The following GALNT1 variants were observed in gnomAD, a reference collection of about 807,000 sequenced individuals.
GALNT1 encodes the protein GalNAc transferase 1.
In GALNT1, 17 loss-of-function variants were observed where a neutral mutation model predicts 65.7. The ratio of observed to expected loss-of-function variants is 0.26; its 90% CI spans 0.18 to 0.39. The LOEUF (loss-of-function observed/expected upper bound fraction) is 0.39. Among genes scored for constraint, GALNT1 ranks in the 10% least tolerant of loss-of-function variants. The pLI is 1.00. For synonymous variants in GALNT1, 210 were observed against 219.7 expected, an observed-to-expected ratio of 0.96 and a Z score of 0.39; for missense variants, 460 against 672.8, an observed-to-expected ratio of 0.68 and a Z score of 3.50.
chr18:35,603,771 C>G (rs1405676412), intron 1 of GALNT1, among the ~76,000 whole-genome samples: 2 of 152,100 alleles, frequency 1.3e-5, no homozygotes, highest in Non-Finnish European at 2.9e-5. Flanking sequence ...TAAACTTTGC[C>G]CTCCCCTGGA....
At chr18:35,581,590 C>CGGTG (rs1568009683), upstream of GALNT1, 1 of 9,888 alleles carries the variant, frequency 1.0e-4, no homozygotes, top group African/African-American at 1.3e-3. Context: ...GCAGGCGGCG[C>CGGTG]GCATGCGGGG....
At chr18:35,581,183 C>G (rs1352713830), upstream of GALNT1, 2 of 151,922 alleles carry the variant, frequency 1.3e-5, no homozygotes, top group African/African-American at 4.8e-5. Flanking sequence ...CCATCTCCTC[C>G]CACCCCGTGA....
At position 35,691,025 on chromosome 18, in the gene GALNT1, G is replaced by A. The variant is rs1221748902; in HGVS notation, c.992G>A (p.Gly331Glu). The A allele has an allele frequency of 6.2e-7, 1 of 1,602,532 alleles. No homozygotes were observed. The highest frequency in any genetic ancestry group is 8.5e-7 in the Non-Finnish European group (1 of 1,175,686). ...TGCTGTTTTCAGATTTGGCAGTGTG[G>A]AGGAACTTTGGAAATTGTTACATGC... ...LEISFRIWQC[G>E]GTLEIVTCSH... The change falls in exon 8 of 12, where the codon GGA (glycine) becomes GAA (glutamate). Residue 331 changes from glycine (G) to glutamate (E), a missense_variant. Gly to Glu is a moderately conservative substitution (Grantham distance 98). Coordinates refer to ENST00000269195, the MANE Select transcript of GALNT1 (RefSeq NM_020474.4).
At chr18:35,611,790 G>A (rs1180665449) in intron 1 of GALNT1, among the ~76,000 whole-genome samples, 2 of 152,232 alleles carry the variant, frequency 1.3e-5, no homozygotes, top group Non-Finnish European at 2.9e-5. Flanking sequence ...GGTAAATGCA[G>A]TGTTTGACTG....
intron 2 of GALNT1, among the ~76,000 whole-genome samples, chr18:35,662,251 C>T (rs976207317): frequency 6.6e-6 from 1 of 152,176 alleles, no homozygotes; most frequent in Admixed American, 6.5e-5. Flanking sequence ...AGCTTACTTA[C>T]TGGGCAAACA....
At chr18:35,700,955 G>A (rs2048152010) in intron 9 of GALNT1, among the ~76,000 whole-genome samples, 1 of 152,008 alleles carries the variant, frequency 6.6e-6, no homozygotes, top group Non-Finnish European at 1.5e-5. Flanking sequence ...CTGCATTTGG[G>A]GGAAGAAATA....
chr18:35,670,746 C>T (rs866123375), intron 3 of GALNT1, among the ~76,000 whole-genome samples: 7 of 152,158 alleles, frequency 4.6e-5, no homozygotes, highest in Non-Finnish European at 1.0e-4. Flanking sequence ...AATGTGGTAT[C>T]GTTGCAAGGA....
chr18:35,690,843 A>G (rs895989358), intron 7 of GALNT1, among the ~76,000 whole-genome samples, 169 bp from the exon 8 acceptor site: 2 of 152,186 alleles, frequency 1.3e-5, no homozygotes, highest in African/African-American at 2.4e-5. Flanking sequence ...ATTTGGTAGT[A>G]TGGAGGTACT....
intron 3 of GALNT1, among the ~76,000 whole-genome samples, chr18:35,670,146 G>T (rs57687577): frequency 0.095 from 14,482 of 151,988 alleles, 832 homozygotes; most frequent in African/African-American, 0.17. Context: ...TAAATAACTA[G>T]CTGGACACAG....
At chr18:35,686,281 T>C (rs988867808) in intron 5 of GALNT1, among the ~76,000 whole-genome samples, 5 of 152,224 alleles carry the variant, frequency 3.3e-5, no homozygotes, top group African/African-American at 1.2e-4. Flanking sequence ...TCTACCCAAA[T>C]TCATATATAA....
chr18:35,622,673 A>G (rs567823895), intron 1 of GALNT1, among the ~76,000 whole-genome samples: 38 of 151,906 alleles, frequency 2.5e-4, no homozygotes, highest in Admixed American at 2.2e-3. Flanking sequence ...TGGATTTTCT[A>G]TTATTTTTTG....
In GALNT1 at chr18:35,663,700, A is replaced by T; in HGVS notation, c.212A>T (p.Asp71Val). The change falls in exon 3 of 12, where the codon GAT becomes GTT. Residue 71 changes from aspartate to valine, a missense_variant. Asp to Val is a radical substitution (Grantham distance 152). Transcript: ENST00000269195. ...AAACCAGTCGTCATTCCTAAAGAGG[A>T]TCAAGAAAAGATGAAAGAGATGTTT... is the stretch of plus-strand genomic sequence containing the variant. ...MGKPVVIPKEDQEKMKEMFKI... is the reference protein window; with the variant it reads ...MGKPVVIPKEVQEKMKEMFKI... The T allele has an allele frequency of 6.2e-7, 1 of 1,614,074 alleles. No individual in the cohort carries two copies. The highest frequency in any genetic ancestry group is 8.5e-7 in the Non-Finnish European group (1 of 1,179,942).
At chr18:35,635,831 T>C (rs534598153) in intron 1 of GALNT1, among the ~76,000 whole-genome samples, 1 of 152,256 alleles carries the variant, frequency 6.6e-6, no homozygotes, top group South Asian at 2.1e-4. Context: ...TATAATGATA[T>C]GTGTTATGTT....
At chr18:35,679,505 C>T (rs1371532009) in intron 4 of GALNT1, among the ~76,000 whole-genome samples, 1 of 152,158 alleles carries the variant, frequency 6.6e-6, no homozygotes, top group East Asian at 1.9e-4. Flanking sequence ...CCTCACCCAA[C>T]ACCCCAATCT....
intron 1 of GALNT1, among the ~76,000 whole-genome samples, chr18:35,608,550 A>G (rs1313183439): frequency 1.3e-5 from 2 of 152,138 alleles, no homozygotes; most frequent in African/African-American, 4.8e-5. Context: ...TGATTGTTTC[A>G]GCCAAACTAA....
intron 11 of GALNT1, among the ~76,000 whole-genome samples, chr18:35,705,218 C>G (rs600885): frequency 0.36 from 54,411 of 152,040 alleles, 10,361 homozygotes; most frequent in Middle Eastern, 0.53. Context: ...AGATAATATG[C>G]TTCCCTCTGC....
chr18:35,624,032 T>C (rs1395180296), intron 1 of GALNT1, among the ~76,000 whole-genome samples: 1 of 152,224 alleles, frequency 6.6e-6, no homozygotes, highest in Non-Finnish European at 1.5e-5. Flanking sequence ...ATTGATTCCT[T>C]GCTGGCTAGA....
Position 35,709,851 on chromosome 18 carries a change from C to A in GALNT1, c.*81C>A. On this transcript the variant is annotated 3_prime_UTR_variant, in exon 12 of 12. Transcript: ENST00000269195. The stretch of plus-strand genomic sequence containing the variant: ...ACATTTCTGCCACATTCTTAAGTAG[C>A]AAAAAAGGAAAAGTGCTTTCCTCCT... The A allele has an allele frequency of 1.3e-6, 2 of 1,507,898 alleles. No homozygotes were observed. The highest frequency in any genetic ancestry group is 2.0e-5 in the Admixed American group (1 of 51,174). 93.4% of individuals were successfully genotyped at this position (1,507,898 alleles called of 1,614,324 possible).
At chr18:35,707,119 TATTAC>T (rs767107326) in intron 11 of GALNT1, among the ~76,000 whole-genome samples, 2 of 152,350 alleles carry the variant, frequency 1.3e-5, no homozygotes, top group Middle Eastern at 3.4e-3. Flanking sequence ...GTCTTGCTTG[TATTAC>T]ATATTACATA....
Sources: allele counts gnomAD v4.1 joint callset (sites outside exome capture counted in the v4.1 genomes callset), GRCh38; gene constraint gnomAD v4.1.1; transcripts MANE v1.5; gene names NCBI Gene and HGNC (gene_info 2026-07-23, HGNC 2026-07-21).